Variants in FUNDC2 observed in about 807,000 individuals in gnomAD.
FUNDC2 encodes the protein FUN14 domain containing 2, also known as FUN14 domain-containing protein 2.
In FUNDC2, 4 loss-of-function variants were observed where a neutral mutation model predicts 15.6. That is an observed-to-expected ratio of 0.26 (90% CI 0.13 to 0.59). The LOEUF (loss-of-function observed/expected upper bound fraction) is 0.59. Ranked by LOEUF, FUNDC2 falls within the 20% of genes least tolerant of loss-of-function variation. The pLI, the probability that FUNDC2 is intolerant of heterozygous loss-of-function variation, is 0.90. For missense variants in FUNDC2, 98 were observed against 149.7 expected (o/e 0.65, Z 1.80); for synonymous variants, 44 against 56.9 (o/e 0.77, Z 1.02).
In FUNDC2 at chrX:155,059,084, G is replaced by A. The variant is rs2124206410; in HGVS notation, c.*4412G>A. ...TTCAGGCATCCTGAGGTTTTAAAGT[G>A]TCTTAGCTTTTTCTAATGAGCAGCA... On this transcript the variant is annotated 3_prime_UTR_variant, in exon 5 of 5. Coordinates refer to ENST00000369498, the MANE Select transcript of FUNDC2 (RefSeq NM_023934.4). 1 of 112,006 alleles carries A rather than the reference G, an allele frequency of 8.9e-6. No homozygotes were observed. Among genetic ancestry groups the A allele is most frequent in the African/African-American group, 3.2e-5 (1 of 30,786 alleles). The allele number at this position is 112,006 out of a possible 1,213,427, so 9.2% of individuals were successfully genotyped here.
At position 155,057,507 on chromosome X, in the gene FUNDC2, G is replaced by C. The variant is rs1557291175; in HGVS notation, c.*2835G>C. ...TATATGGTCCGCAGAAACTTGACTT[G>C]GAATGTGTTCGGGGTTTCATCGCCC... On this transcript the variant is annotated 3_prime_UTR_variant, in exon 5 of 5. Transcript: ENST00000369498. 9.0e-6 allele frequency: 1 copy of C among 111,427 alleles called. No individual in the cohort carries two copies. Among genetic ancestry groups the C allele is most frequent in the African/African-American group, 3.3e-5 (1 of 30,453 alleles). The allele number at this position is 111,427 out of a possible 1,213,427, so 9.2% of individuals were successfully genotyped here.
chrX:155,040,536 A>G (rs782717767), intron 2 of FUNDC2, among the ~76,000 whole-genome samples: 2 of 112,337 alleles, frequency 1.8e-5, no homozygotes, highest in Admixed American at 9.4e-5. Flanking sequence ...TTATAGCTCA[A>G]TAGGATTCCA....
chrX:155,045,729 G>A (rs886262809), intron 2 of FUNDC2, among the ~76,000 whole-genome samples: 1 of 111,439 alleles, frequency 9.0e-6, no homozygotes, highest in Non-Finnish European at 1.9e-5. Context: ...CACAGAAAAG[G>A]GAAGGGGGCT....
chrX:155,051,645 G>A lies in FUNDC2; in HGVS notation c.361-25G>A, dbSNP rs782113143. 21 of 1,201,614 alleles carry A rather than the reference G, an allele frequency of 1.7e-5. No individual in the cohort carries two copies. The Middle Eastern group carries it at 2.1e-3, about 121-fold the overall frequency. ...ATAACAAATCTGTTTCTCATTTCTTGTTGTCATTATTGTTGATACTGTAGC... is the reference window on the plus strand; with the variant it reads ...ATAACAAATCTGTTTCTCATTTCTTATTGTCATTATTGTTGATACTGTAGC... On this transcript the variant is annotated intron_variant, in intron 3 of 4. Transcript: ENST00000369498.
chrX:155,047,728 C>G (rs782035291), intron 3 of FUNDC2, among the ~76,000 whole-genome samples: 6 of 110,419 alleles, frequency 5.4e-5, no homozygotes, highest in Non-Finnish European at 1.1e-4. Context: ...TCCTTATTTC[C>G]CCCCTGTCCA....
At chrX:155,036,791 T>C (rs782220137) in intron 2 of FUNDC2, among the ~76,000 whole-genome samples, 1 of 111,456 alleles carries the variant, frequency 9.0e-6, no homozygotes, top group Non-Finnish European at 1.9e-5. Context: ...GTTGACTATA[T>C]GTTTTTGAGC....
rs782649071 is a variant in FUNDC2 at position 155,059,867 on chromosome X, C to G, written c.*5195C>G. The G allele has an allele frequency of 6.3e-5, 7 of 111,439 alleles. No homozygotes were observed. Among genetic ancestry groups the G allele is most frequent in the Non-Finnish European group, 1.1e-4 (6 of 53,056 alleles). The allele number at this position is 111,439 out of a possible 1,213,427, so 9.2% of individuals were successfully genotyped here. ...TCATGATAGTGAGTTCTCATGAGATCTGGCACTTCACCCCTCACTCTCTCT... is the reference window on the plus strand; with the variant it reads ...TCATGATAGTGAGTTCTCATGAGATGTGGCACTTCACCCCTCACTCTCTCT... On this transcript the variant is annotated 3_prime_UTR_variant, in exon 5 of 5. Transcript: ENST00000369498.
chrX:155,041,493 G>A (rs1187873020), intron 2 of FUNDC2, among the ~76,000 whole-genome samples: 2 of 110,597 alleles, frequency 1.8e-5, no homozygotes, highest in East Asian at 5.6e-4. Flanking sequence ...TCCCCTGCCT[G>A]AAAGACTTCC....
intron 2 of FUNDC2, among the ~76,000 whole-genome samples, chrX:155,040,569 G>A (rs1405965555): frequency 1.8e-5 from 2 of 112,108 alleles, no homozygotes; most frequent in Non-Finnish European, 3.8e-5. Flanking sequence ...GCCACAGTTT[G>A]TTCATCCAGA....
chrX:155,055,664 T>TC lies in FUNDC2; in HGVS notation c.*993dup. ...CACGGGCACACACGCACACACAGAA[T>TC]CTTACCACATTTTGCTGTAGTGGCA... On this transcript the variant is annotated 3_prime_UTR_variant, in exon 5 of 5. Transcript: ENST00000369498. 1 of 156,327 alleles carries TC rather than the reference T, an allele frequency of 6.4e-6. No homozygotes were observed. Among genetic ancestry groups the TC allele is most frequent in the Middle Eastern group, 2.4e-3 (1 of 423 alleles). 12.9% of individuals were successfully genotyped at this position (156,327 alleles called of 1,213,427 possible). A position where few individuals can be genotyped will look rare whatever the true frequency, so the allele number is the denominator to read the frequency against.
rs782009730 is a variant in FUNDC2 at position 155,059,030 on chromosome X, G to T, written c.*4358G>T. ...ACTAATGCCTGGCTCTCATCCTAGA[G>T]ATTCTGATTTCACTGGTCTGGAGTG... is the stretch of plus-strand genomic sequence containing the variant. On this transcript the variant is annotated 3_prime_UTR_variant, in exon 5 of 5. Coordinates refer to ENST00000369498, the MANE Select transcript of FUNDC2 (RefSeq NM_023934.4). The T allele has an allele frequency of 8.9e-6, 1 of 111,793 alleles. No homozygotes were observed. Among genetic ancestry groups the T allele is most frequent in the East Asian group, 2.8e-4 (1 of 3,569 alleles). 9.2% of individuals were successfully genotyped at this position (111,793 alleles called of 1,213,427 possible).
chrX:155,032,750 T>G (rs1802736377), intron 1 of FUNDC2, among the ~76,000 whole-genome samples: 1 of 112,016 alleles, frequency 8.9e-6, no homozygotes, highest in South Asian at 3.7e-4. Flanking sequence ...CTTAGAAAAT[T>G]TGTGGATTAC....
intron 4 of FUNDC2, chrX:155,054,099 C>G (rs1387089401): frequency 1.6e-5 from 12 of 752,918 alleles, no homozygotes; most frequent in Non-Finnish European, 1.9e-5. Flanking sequence ...TAGCATCTAC[C>G]TGGGAGCAGG....
chrX:155,043,575 T>G (rs1557289796), intron 2 of FUNDC2, among the ~76,000 whole-genome samples: 1 of 112,245 alleles, frequency 8.9e-6, no homozygotes, highest in African/African-American at 3.2e-5. Flanking sequence ...GGGTCTTGCT[T>G]TGTTATTAGG....
chrX:155,053,027 C>T lies in FUNDC2; in HGVS notation c.492+1226C>T, dbSNP rs781990745. 1.2e-4 allele frequency among the ~76,000 whole-genome samples: 13 copies of T among 111,301 alleles called. No homozygotes were observed. In the South Asian group the frequency reaches 4.2e-3, roughly 36 times the overall value. On this transcript the variant is annotated intron_variant, in intron 4 of 4. Coordinates refer to ENST00000369498, the MANE Select transcript of FUNDC2 (RefSeq NM_023934.4). ...GGGTCTATAGGTGTGTACCACCACA[C>T]CCGGTGAAGTTTTAAATTTTTTGGA...
chrX:155,057,437 TGGTGGTGG>T lies in FUNDC2; in HGVS notation c.*2768_*2775del, dbSNP rs1453545525. 9.0e-6 allele frequency: 1 copy of T among 111,698 alleles called. No individual in the cohort carries two copies. The highest frequency in any genetic ancestry group is 1.9e-5 in the Non-Finnish European group (1 of 53,059). 9.2% of individuals were successfully genotyped at this position (111,698 alleles called of 1,213,427 possible). ...ATGACGCTCTGGACTTCCTAATTAG[TGGTGGTGG>T]GGCGGAAGTTTTTCCTTGGGAAGAG... On this transcript the variant is annotated 3_prime_UTR_variant, in exon 5 of 5. Transcript: ENST00000369498.
At chrX:155,028,673 A>T (rs2073804549) in intron 1 of FUNDC2, among the ~76,000 whole-genome samples, 1 of 111,473 alleles carries the variant, frequency 9.0e-6, no homozygotes, top group African/African-American at 3.3e-5. Context: ...TTCTAACATC[A>T]TTTGTTGTTT....
Position 155,058,764 on chromosome X carries a change from G to A in FUNDC2, c.*4092G>A, listed in dbSNP as rs1416740134. ...AGCCTGATTTTTCTAGAAGTCATATGGTATAGCTTATATTTCCGATGCTTG... is the reference window on the plus strand; with the variant it reads ...AGCCTGATTTTTCTAGAAGTCATATAGTATAGCTTATATTTCCGATGCTTG... On this transcript the variant is annotated 3_prime_UTR_variant, in exon 5 of 5. Coordinates refer to ENST00000369498, the MANE Select transcript of FUNDC2 (RefSeq NM_023934.4). 9.0e-6 allele frequency: 1 copy of A among 110,757 alleles called. No homozygotes were observed. Among genetic ancestry groups the A allele is most frequent in the Non-Finnish European group, 1.9e-5 (1 of 52,923 alleles). 9.1% of individuals were successfully genotyped at this position (110,757 alleles called of 1,213,427 possible). A position where few individuals can be genotyped will look rare whatever the true frequency, so the allele number is the denominator to read the frequency against.
intron 1 of FUNDC2, among the ~76,000 whole-genome samples, chrX:155,029,699 G>A (rs1387058168): frequency 3.9e-5 from 4 of 103,726 alleles, no homozygotes; most frequent in Non-Finnish European, 7.8e-5. Context: ...AGGTTGTGGT[G>A]AGCCGAGATT....
Sources: allele counts gnomAD v4.1 joint callset (sites outside exome capture counted in the v4.1 genomes callset), GRCh38; gene constraint gnomAD v4.1.1; transcripts MANE v1.5; gene names NCBI Gene and HGNC (gene_info 2026-07-23, HGNC 2026-07-21).